F13A1: variants seen among roughly 807,000 people sequenced by gnomAD.
F13A1 encodes the protein coagulation factor XIII A chain, also known as FSF, A subunit.
In F13A1, 47 loss-of-function variants were observed where a neutral mutation model predicts 80.1. The observed-to-expected ratio is 0.59, with a 90% CI of 0.46 to 0.75. The LOEUF (loss-of-function observed/expected upper bound fraction) is 0.75, where lower values mean the gene tolerates loss of function less well. Ranked by LOEUF, F13A1 falls within the 30% of genes least tolerant of loss-of-function variation. F13A1 has a pLI of 0.00. For missense variants in F13A1, 817 were observed against 930.4 expected (o/e 0.88, Z 1.59); for synonymous variants, 349 against 344.9 (o/e 1.01, Z -0.13).
Position 6,318,529 on chromosome 6 carries a change from T to G in F13A1, c.130+6A>C, listed in dbSNP as rs770563590. 3 of 1,610,520 alleles carry G rather than the reference T, an allele frequency of 1.9e-6. No individual in the cohort carries two copies. In the South Asian group the frequency reaches 3.3e-5, roughly 18 times the overall value. ...AGAGTGGTGGGGAAGGGGGGTATGCTCATACCTTGCAGGTTGACGCCCCGG... is the reference window on the plus strand; with the variant it reads ...AGAGTGGTGGGGAAGGGGGGTATGCGCATACCTTGCAGGTTGACGCCCCGG... On this transcript the variant is annotated splice_donor_region_variant and intron_variant, in intron 2 of 14. Coordinates refer to ENST00000264870, the MANE Select transcript of F13A1 (RefSeq NM_000129.4).
chr6:6,194,831 A>C (rs1004041852), intron 10 of F13A1, among the ~76,000 whole-genome samples: 1 of 152,210 alleles, frequency 6.6e-6, no homozygotes, highest in South Asian at 2.1e-4. Context: ...ACCAGTATGC[A>C]TTCAGGTATC....
intron 8 of F13A1, among the ~76,000 whole-genome samples, chr6:6,211,839 A>T (rs568071602): frequency 6.6e-6 from 1 of 152,366 alleles, no homozygotes; most frequent in East Asian, 1.9e-4. Flanking sequence ...CGCGAGCCAA[A>T]GCAGGGTGAG....
chr6:6,287,107 A>AT (rs1357347682), intron 3 of F13A1, among the ~76,000 whole-genome samples: 1 of 152,182 alleles, frequency 6.6e-6, no homozygotes, highest in Non-Finnish European at 1.5e-5. Context: ...GATGAAGAAT[A>AT]TTTAGTCCAT....
At chr6:6,176,814 C>T (rs1473734463) in intron 11 of F13A1, among the ~76,000 whole-genome samples, 1 of 152,194 alleles carries the variant, frequency 6.6e-6, no homozygotes, top group Non-Finnish European at 1.5e-5. Context: ...GCATCAGGAA[C>T]ACATCAGAGA....
At chr6:6,195,749 T>G (rs1761278096) in intron 10 of F13A1, 48 bp downstream of exon 10, 1 of 1,535,346 alleles carries the variant, frequency 6.5e-7, no homozygotes, top group East Asian at 2.3e-5. Context: ...TTTCATGTGT[T>G]AAGAGGTTGG....
intron 10 of F13A1, among the ~76,000 whole-genome samples, chr6:6,184,085 G>T (rs11752520): frequency 6.6e-6 from 1 of 152,234 alleles, no homozygotes; most frequent in Non-Finnish European, 1.5e-5. Flanking sequence ...TTTCTACTAA[G>T]GGGGAGATAG....
At chr6:6,191,261 G>A (rs1195737656) in intron 10 of F13A1, among the ~76,000 whole-genome samples, 1 of 152,060 alleles carries the variant, frequency 6.6e-6, no homozygotes, top group Non-Finnish European at 1.5e-5. Context: ...CCGAGTTACT[G>A]AATCTCTCTG....
intron 8 of F13A1, among the ~76,000 whole-genome samples, chr6:6,211,719 G>A (rs530033366): frequency 1.7e-4 from 26 of 152,326 alleles, no homozygotes; most frequent in South Asian, 2.1e-4. Context: ...AGCTCCCAGC[G>A]TGAGTGACAC....
At position 6,190,409 on chromosome 6, in the gene F13A1, A is replaced by G. The variant is rs926957351; in HGVS notation, c.1305+5388T>C. Among the ~76,000 whole-genome samples the G allele has an allele frequency of 4.0e-5, 6 of 151,574 alleles. No homozygotes were observed. The East Asian group carries it at 9.7e-4, about 25-fold the overall frequency. On this transcript the variant is annotated intron_variant, in intron 10 of 14. Coordinates refer to ENST00000264870, the MANE Select transcript of F13A1 (RefSeq NM_000129.4). Reference sequence around the variant, plus strand: ...ATGTACAGATGGGTTTTTGGTGTGGATGTCCTTTCTGTTTGTTAGTTTTCC... The same window carrying G: ...ATGTACAGATGGGTTTTTGGTGTGGGTGTCCTTTCTGTTTGTTAGTTTTCC...
intron 6 of F13A1, among the ~76,000 whole-genome samples, chr6:6,236,093 C>T (rs1180962482): frequency 6.6e-6 from 1 of 152,042 alleles, no homozygotes; most frequent in African/African-American, 2.4e-5. Flanking sequence ...GTCTAGAAAA[C>T]ACAAATCAAT....
Position 6,180,562 on chromosome 6 carries a change from C to T in F13A1, c.1459+1426G>A, listed in dbSNP as rs182398368. Among the ~76,000 whole-genome samples the T allele has an allele frequency of 3.1e-3, 468 of 152,332 alleles. 3 individuals are homozygous for T. The highest frequency in any genetic ancestry group is 5.3e-3 in the Admixed American group (81 of 15,302). On this transcript the variant is annotated intron_variant, in intron 11 of 14. Coordinates refer to ENST00000264870, the MANE Select transcript of F13A1 (RefSeq NM_000129.4). ...AAACCTTTTTTTGCTTATAACTCTA[C>T]AGTAAGAGGGCATTGCTTGTTTGTT...
chr6:6,235,207 A>G (rs1757399627), intron 6 of F13A1, among the ~76,000 whole-genome samples: 2 of 152,046 alleles, frequency 1.3e-5, no homozygotes, highest in Admixed American at 6.6e-5. Context: ...AAAGGAGAAA[A>G]TTGTGTGATC....
chr6:6,164,665 G>A lies in F13A1; in HGVS notation c.1908+2793C>T, dbSNP rs571710987. 4.0e-5 allele frequency among the ~76,000 whole-genome samples: 5 copies of A among 124,078 alleles called. No homozygotes were observed. In the South Asian group the frequency reaches 9.8e-4, roughly 24 times the overall value. 81.4% of individuals were successfully genotyped at this position (124,078 alleles called of 152,430 possible). The stretch of plus-strand genomic sequence containing the variant: ...TTTTTCTCTTCTCCCCCCCATTCTC[G>A]CTCCTTTTTCCCTCTTGTCCCTTCC... On this transcript the variant is annotated intron_variant, in intron 13 of 14. Transcript: ENST00000264870.
intron 13 of F13A1, among the ~76,000 whole-genome samples, chr6:6,152,517 A>T (rs1419048036): frequency 6.6e-6 from 1 of 152,182 alleles, no homozygotes; most frequent in African/African-American, 2.4e-5. Context: ...GGAAAATAAA[A>T]GGTTATTTGT....
chr6:6,226,867 G>C (rs1462119577), intron 6 of F13A1, among the ~76,000 whole-genome samples: 1 of 152,180 alleles, frequency 6.6e-6, no homozygotes, highest in Non-Finnish European at 1.5e-5. Context: ...GAAAAATGTA[G>C]AGGTAGAGTG....
intron 8 of F13A1, among the ~76,000 whole-genome samples, chr6:6,214,435 T>G (rs1296607860): frequency 3.1e-4 from 41 of 133,662 alleles, no homozygotes; most frequent in African/African-American, 9.7e-4. Context: ...GACTACTGGG[T>G]ACATAACGAA....
chr6:6,289,850 C>T (rs998418840), intron 3 of F13A1, among the ~76,000 whole-genome samples: 3 of 151,858 alleles, frequency 2.0e-5, no homozygotes, highest in African/African-American at 7.3e-5. Context: ...AATTTCCATT[C>T]CCCTGGGTCA....
chr6:6,300,322 C>T (rs6921961), intron 3 of F13A1, among the ~76,000 whole-genome samples: 2,100 of 150,996 alleles, frequency 0.014, 58 homozygotes, highest in African/African-American at 0.047. Context: ...TGGGCAATGG[C>T]GGGCGCCCCT....
intron 10 of F13A1, among the ~76,000 whole-genome samples, chr6:6,190,068 G>C (rs922494248): frequency 9.9e-5 from 15 of 152,068 alleles, no homozygotes; most frequent in Non-Finnish European, 1.9e-4. Context: ...TTGCTTTTCA[G>C]CTCCATCAGC....
Sources: allele counts gnomAD v4.1 joint callset (sites outside exome capture counted in the v4.1 genomes callset), GRCh38; gene constraint gnomAD v4.1.1; transcripts MANE v1.5; gene names NCBI Gene and HGNC (gene_info 2026-07-23, HGNC 2026-07-21).